The following NRG3 variants were observed in gnomAD, a reference collection of about 807,000 sequenced individuals.
The protein encoded by NRG3 is neuregulin 3, also known as pro-neuregulin-3, membrane-bound isoform.
A neutral mutation model predicts 66.9 loss-of-function variants in NRG3; 31 were observed. That is an observed-to-expected ratio of 0.46 (90% CI 0.35 to 0.63). The LOEUF (loss-of-function observed/expected upper bound fraction) is 0.63. Among genes scored for constraint, NRG3 ranks in the 20% least tolerant of loss-of-function variants. NRG3 has a pLI of 0.00. For synonymous variants in NRG3, 393 were observed against 359.4 expected (o/e 1.09, Z -1.06); for missense variants, 910 against 878.9 (o/e 1.04, Z -0.45).
intron 1 of NRG3, among the ~76,000 whole-genome samples, chr10:82,215,141 A>C (rs2133692548): frequency 6.6e-6 from 1 of 152,258 alleles, no homozygotes; most frequent in African/African-American, 2.4e-5. Flanking sequence ...AAAAGCTTTA[A>C]CCTCTTATAA....
chr10:82,383,370 C>A (rs552187493), intron 2 of NRG3, among the ~76,000 whole-genome samples: 1 of 151,854 alleles, frequency 6.6e-6, no homozygotes, highest in African/African-American at 2.4e-5. Context: ...TCAGAAATTC[C>A]ATGAATTCAT....
intron 3 of NRG3, among the ~76,000 whole-genome samples, chr10:82,823,324 G>A (rs1305307686): frequency 6.6e-6 from 1 of 152,172 alleles, no homozygotes; most frequent in Non-Finnish European, 1.5e-5. Context: ...ATGTTCTAAC[G>A]ATTTAGAGAA....
In NRG3 at chr10:82,213,580, T is replaced by C. The variant is rs141095742; in HGVS notation, c.824-145159T>C. ...TCTGAAGCATGTTAGATAAATGATA[T>C]GGAACCTCAACCTGTATTCTATTGA... is the stretch of plus-strand genomic sequence containing the variant. On this transcript the variant is annotated intron_variant, in intron 1 of 8. Coordinates refer to ENST00000372141, the MANE Select transcript of NRG3 (RefSeq NM_001010848.4). 2.0e-3 allele frequency among the ~76,000 whole-genome samples: 303 copies of C among 152,270 alleles called. 2 individuals are homozygous for C. The highest frequency in any genetic ancestry group is 6.7e-3 in the African/African-American group (278 of 41,558).
intron 4 of NRG3, among the ~76,000 whole-genome samples, chr10:82,950,793 G>A (rs947954211): frequency 6.6e-6 from 1 of 152,180 alleles, no homozygotes; most frequent in East Asian, 1.9e-4. Context: ...AAAGGACCTA[G>A]GAGTATAAAT....
At chr10:82,005,176 G>A (rs2061336320) in intron 1 of NRG3, among the ~76,000 whole-genome samples, 1 of 152,152 alleles carries the variant, frequency 6.6e-6, no homozygotes, top group Non-Finnish European at 1.5e-5. Context: ...TTGTTTCCTT[G>A]GCAAAAGCCT....
At chr10:82,223,633 A>G (rs2076036329) in intron 1 of NRG3, among the ~76,000 whole-genome samples, 1 of 135,332 alleles carries the variant, frequency 7.4e-6, no homozygotes, top group Non-Finnish European at 1.6e-5. Flanking sequence ...TATTCCAGCA[A>G]CCACCCCAAA....
At chr10:82,048,924 A>C (rs978275337) in intron 1 of NRG3, among the ~76,000 whole-genome samples, 2 of 152,164 alleles carry the variant, frequency 1.3e-5, no homozygotes, top group Non-Finnish European at 2.9e-5. Flanking sequence ...GGATATCACC[A>C]GCGATCCCAC....
intron 2 of NRG3, among the ~76,000 whole-genome samples, chr10:82,363,476 G>A (rs1181324834): frequency 2.0e-5 from 3 of 150,360 alleles, no homozygotes; most frequent in Non-Finnish European, 4.4e-5. Flanking sequence ...TGTTTTTTGA[G>A]ACGGAGTCTC....
At chr10:82,739,018 A>G (rs746466201) in intron 3 of NRG3, among the ~76,000 whole-genome samples, 6 of 152,204 alleles carry the variant, frequency 3.9e-5, no homozygotes, top group Non-Finnish European at 8.8e-5. Context: ...ACAGTATTAT[A>G]CCGCTTCTTA....
intron 2 of NRG3, among the ~76,000 whole-genome samples, chr10:82,465,848 A>G (rs765987717): frequency 1.3e-5 from 2 of 152,108 alleles, no homozygotes; most frequent in African/African-American, 4.8e-5. Flanking sequence ...ATTCATTTCT[A>G]TGTCATGTAA....
At chr10:82,720,568 T>C (rs2057235198) in intron 2 of NRG3, among the ~76,000 whole-genome samples, 1 of 151,920 alleles carries the variant, frequency 6.6e-6, no homozygotes, top group South Asian at 2.1e-4. Context: ...CCGAGGTTGA[T>C]TCAACTTCAA....
In NRG3 at chr10:82,048,369, C is replaced by T. The variant is rs867979121; in HGVS notation, c.823+172206C>T. On this transcript the variant is annotated intron_variant, in intron 1 of 8. Coordinates refer to ENST00000372141, the MANE Select transcript of NRG3 (RefSeq NM_001010848.4). ...TGGAAGTAAAGCTCTCCTCAGCAAA[C>T]GTAAAAGAACAGAAATTATAACAAA... Among the ~76,000 whole-genome samples the T allele has an allele frequency of 3.8e-3, 577 of 151,908 alleles. 3 individuals carry two copies. Among genetic ancestry groups the T allele is most frequent in the African/African-American group, 0.013 (547 of 41,424 alleles).
chr10:82,701,266 C>T (rs987781169), intron 2 of NRG3, among the ~76,000 whole-genome samples: 1 of 152,092 alleles, frequency 6.6e-6, no homozygotes, highest in Non-Finnish European at 1.5e-5. Flanking sequence ...TGAATGTGTA[C>T]ATACATGCAT....
chr10:82,103,891 A>C (rs2066904985), intron 1 of NRG3, among the ~76,000 whole-genome samples: 1 of 152,090 alleles, frequency 6.6e-6, no homozygotes, highest in Non-Finnish European at 1.5e-5. Flanking sequence ...ACAAACAAAT[A>C]AATAAGTAGG....
At chr10:82,840,294 T>C (rs1028776338) in intron 3 of NRG3, among the ~76,000 whole-genome samples, 63 of 152,138 alleles carry the variant, frequency 4.1e-4, no homozygotes, top group African/African-American at 1.5e-3. Context: ...CAGCCTACGT[T>C]GGTGGACTAT....
intron 1 of NRG3, among the ~76,000 whole-genome samples, chr10:82,100,490 A>G (rs777352669): frequency 4.6e-5 from 7 of 152,044 alleles, no homozygotes; most frequent in Non-Finnish European, 1.0e-4. Flanking sequence ...CAGTCTTTCA[A>G]CTTTAAATAT....
intron 3 of NRG3, among the ~76,000 whole-genome samples, chr10:82,752,288 A>G (rs2058898372): frequency 6.6e-6 from 1 of 152,166 alleles, no homozygotes; most frequent in Non-Finnish European, 1.5e-5. Context: ...GTTTACAATA[A>G]AATGTATTCT....
chr10:82,000,149 C>T (rs963969601), intron 1 of NRG3, among the ~76,000 whole-genome samples: 3 of 152,108 alleles, frequency 2.0e-5, no homozygotes, highest in Non-Finnish European at 4.4e-5. Flanking sequence ...TTCATAATTA[C>T]CCTTTGGGAA....
chr10:82,969,719 A>G (rs1037313060), intron 6 of NRG3, among the ~76,000 whole-genome samples: 2 of 152,228 alleles, frequency 1.3e-5, no homozygotes, highest in African/African-American at 2.4e-5. Flanking sequence ...TCCATAGCTT[A>G]TACTCATGGA....
Sources: gnomAD v4.1 joint callset for allele counts (sites outside exome capture counted in the v4.1 genomes callset) on GRCh38, gnomAD v4.1.1 for gene constraint, MANE v1.5 for transcripts, NCBI Gene and HGNC (gene_info 2026-07-23, HGNC 2026-07-21) for gene names.